The following UGT3A1 variants were observed in gnomAD, a reference collection of about 807,000 sequenced individuals.
UGT3A1 encodes UDP-glycosyltransferase 3A1.
Under a neutral mutation model 37.6 loss-of-function variants are expected in UGT3A1, and 40 were observed. The observed-to-expected ratio is 1.06, with a 90% CI of 0.83 to 1.38. The LOEUF (loss-of-function observed/expected upper bound fraction) is 1.38. Among genes scored for constraint, UGT3A1 ranks in the 40% most tolerant of loss-of-function variants. The probability of loss-of-function intolerance (pLI) is 0.00; values close to 1 mark genes in which losing one functional copy is unlikely to be tolerated. For missense variants in UGT3A1, 642 were observed against 634.2 expected (o/e 1.01, Z -0.13); for synonymous variants, 256 against 232.3 (o/e 1.10, Z -0.93).
chr5:35,966,214 C>T (rs1490510189), intron 3 of UGT3A1, among the ~76,000 whole-genome samples: 1 of 152,234 alleles, frequency 6.6e-6, no homozygotes, highest in Admixed American at 6.5e-5. Context: ...CACAGCAGAT[C>T]TCAGAGTTAT....
chr5:35,983,202 A>T (rs2149985671), intron 2 of UGT3A1, among the ~76,000 whole-genome samples: 1 of 152,300 alleles, frequency 6.6e-6, no homozygotes, highest in Non-Finnish European at 1.5e-5. Flanking sequence ...TCAGAAACAG[A>T]AAAAAAGATA....
chr5:35,970,445 G>A (rs12189267), intron 2 of UGT3A1, among the ~76,000 whole-genome samples: 77,431 of 150,592 alleles, frequency 0.51, 22,648 homozygotes, highest in Non-Finnish European at 0.66. Context: ...TCACAAGAAC[G>A]GCACAGGAAA....
At chr5:35,957,923 T>C (rs906065727) in intron 4 of UGT3A1, among the ~76,000 whole-genome samples, 2 of 152,222 alleles carry the variant, frequency 1.3e-5, no homozygotes, top group Non-Finnish European at 2.9e-5. Flanking sequence ...TCTTTCTTTA[T>C]TGATCATTTG....
chr5:35,986,085 G>A (rs969554393), intron 2 of UGT3A1, among the ~76,000 whole-genome samples: 16 of 152,074 alleles, frequency 1.1e-4, no homozygotes, highest in Admixed American at 5.2e-4. Context: ...ATAAGAAAAT[G>A]TTCACCATTA....
At chr5:35,963,944 C>T (rs1739693027) in intron 4 of UGT3A1, among the ~76,000 whole-genome samples, 1 of 152,074 alleles carries the variant, frequency 6.6e-6, no homozygotes, top group Admixed American at 6.6e-5. Flanking sequence ...AGTGGCTGAG[C>T]CAAATGCTCA....
intron 2 of UGT3A1, among the ~76,000 whole-genome samples, chr5:35,979,583 C>A (rs936138290): frequency 6.6e-6 from 1 of 152,178 alleles, no homozygotes; most frequent in African/African-American, 2.4e-5. Context: ...AAAAATTCAA[C>A]AAGCCTCTAG....
At chr5:35,993,073 T>C (rs1740998325), upstream of UGT3A1, among the ~76,000 whole-genome samples, 2 of 152,140 alleles carry the variant, frequency 1.3e-5, no homozygotes, top group Non-Finnish European at 2.9e-5. Flanking sequence ...CAGACATAAA[T>C]GCATATCTGC....
chr5:35,988,456 T>C lies in UGT3A1; in HGVS notation c.190A>G (p.Ile64Val), dbSNP rs757509741. ...TAGTTTTTAAAAAAGATACCTGGGA[T>C]CAAAAACTTTCCACTCTGATGAAGC... ...TMLHQSGKFL[I>V]PDIKEEEKSY... is the part of the protein sequence containing the mutation. Residue 64 changes from isoleucine (I) to valine (V), a missense_variant, in exon 2 of 7, where the codon ATC becomes GTC. Coordinates refer to ENST00000274278, the MANE Select transcript of UGT3A1 (RefSeq NM_152404.4). 11 of 1,598,190 alleles carry C rather than the reference T, an allele frequency of 6.9e-6. No homozygotes were observed. In the South Asian group the frequency reaches 1.2e-4, roughly 17 times the overall value.
intron 2 of UGT3A1, among the ~76,000 whole-genome samples, chr5:35,979,447 C>T (rs147941955): frequency 6.6e-6 from 1 of 152,114 alleles, no homozygotes; most frequent in African/African-American, 2.4e-5. Flanking sequence ...TTCAAAGTTC[C>T]ACAAATCTCT....
intron 2 of UGT3A1, among the ~76,000 whole-genome samples, chr5:35,976,241 T>C (rs532331574): frequency 1.3e-5 from 2 of 152,336 alleles, no homozygotes; most frequent in South Asian, 4.1e-4. Context: ...ACTGTACTGA[T>C]TGAAATTGGT....
chr5:35,973,999 T>C (rs1406774946), intron 2 of UGT3A1, among the ~76,000 whole-genome samples: 1 of 152,132 alleles, frequency 6.6e-6, no homozygotes, highest in Non-Finnish European at 1.5e-5. Context: ...GAGTCCTAAA[T>C]AGATTAAACA....
chr5:35,954,273 A>C lies in UGT3A1; in HGVS notation c.1501T>G (p.Trp501Gly), dbSNP rs374910980. ...FLLGLTLGTM[W>G]LCGKLLGVVA... The stretch of plus-strand genomic sequence containing the variant: ...ACACCCAGCAGCTTCCCACAAAGCC[A>C]CATAGTGCCCAGAGTGAGCCCCAGC... Residue 501 changes from tryptophan to glycine, a missense_variant, in exon 7 of 7, where the codon TGG (tryptophan) becomes GGG (glycine). Trp to Gly is a radical substitution (Grantham distance 184, BLOSUM62 -2). Coordinates refer to ENST00000274278, the MANE Select transcript of UGT3A1 (RefSeq NM_152404.4). 1.2e-5 allele frequency: 19 copies of C among 1,614,084 alleles called. No individual in the cohort carries two copies. The highest frequency in any genetic ancestry group is 5.0e-5 in the Admixed American group (3 of 59,998).
At chr5:35,970,866 T>C (rs1454319723) in intron 2 of UGT3A1, among the ~76,000 whole-genome samples, 1 of 152,230 alleles carries the variant, frequency 6.6e-6, no homozygotes, top group Non-Finnish European at 1.5e-5. Flanking sequence ...CAAGAATTAA[T>C]GATGCCTCAC....
intron 2 of UGT3A1, among the ~76,000 whole-genome samples, chr5:35,974,725 T>A (rs1740192031): frequency 6.6e-6 from 1 of 152,218 alleles, no homozygotes; most frequent in African/African-American, 2.4e-5. Context: ...CTGGCAAATT[T>A]TTCTTGACAC....
intron 2 of UGT3A1, among the ~76,000 whole-genome samples, chr5:35,973,583 A>G (rs955428677): frequency 6.6e-6 from 1 of 152,190 alleles, no homozygotes; most frequent in Non-Finnish European, 1.5e-5. Context: ...AGCTTAGGGA[A>G]ATGAAGATGT....
intron 2 of UGT3A1, among the ~76,000 whole-genome samples, chr5:35,972,494 C>CATGTGT (rs1179820602): frequency 7.1e-6 from 1 of 141,338 alleles, no homozygotes; most frequent in African/African-American, 2.6e-5. Flanking sequence ...CCTTGAAATA[C>CATGTGT]GTGTGTGTGT....
Position 35,957,294 on chromosome 5 carries a change from G to T in UGT3A1, c.969C>A (p.Leu323=). The change falls in exon 5 of 7, where the codon CTC becomes CTA. Residue 323 remains leucine, a synonymous_variant. Transcript: ENST00000274278. ...LKKMHNAFAH[L]PQGVIWTCQS... is the part of the protein sequence containing the mutation. Reference sequence around the variant, plus strand: ...GACATGTCCATATCACTCCTTGAGGGAGGTGGGCAAAGGCATTGTGCATCT... The same window carrying T: ...GACATGTCCATATCACTCCTTGAGGTAGGTGGGCAAAGGCATTGTGCATCT... The T allele has an allele frequency of 6.2e-7, 1 of 1,614,194 alleles. No individual in the cohort carries two copies. Among genetic ancestry groups the T allele is most frequent in the East Asian group, 2.2e-5 (1 of 44,878 alleles).
upstream of UGT3A1, among the ~76,000 whole-genome samples, chr5:35,993,292 C>G (rs747072945): frequency 1.1e-4 from 17 of 152,040 alleles, no homozygotes; most frequent in Non-Finnish European, 2.2e-4. Context: ...GGTGAAATCC[C>G]GTCTCTCCTA....
At chr5:35,983,856 G>T (rs1490135558) in intron 2 of UGT3A1, among the ~76,000 whole-genome samples, 1 of 151,590 alleles carries the variant, frequency 6.6e-6, no homozygotes, top group Non-Finnish European at 1.5e-5. Flanking sequence ...ACCTTTTTAT[G>T]ATTTAAAAAA....
Sources: gnomAD v4.1 joint callset for allele counts (sites outside exome capture counted in the v4.1 genomes callset) on GRCh38, gnomAD v4.1.1 for gene constraint, MANE v1.5 for transcripts, NCBI Gene and HGNC (gene_info 2026-07-23, HGNC 2026-07-21) for gene names.